DPYD: variants seen among roughly 807,000 people sequenced by gnomAD.
The protein encoded by DPYD is dihydropyrimidine dehydrogenase, also known as dihydropyrimidine dehydrogenase [NADP(+)].
A neutral mutation model predicts 116.2 loss-of-function variants in DPYD; 109 were observed. The observed-to-expected ratio is 0.94, with a 90% CI of 0.80 to 1.10. The LOEUF (loss-of-function observed/expected upper bound fraction) is 1.10, where lower values mean the gene tolerates loss of function less well. Among genes scored for constraint, DPYD ranks in the 50% least tolerant of loss-of-function variants. The pLI, the probability that DPYD is intolerant of heterozygous loss-of-function variation, is 0.00. For missense variants in DPYD, 1,302 were observed against 1,254.5 expected (o/e 1.04, Z -0.57); for synonymous variants, 440 against 432.0 (o/e 1.02, Z -0.23).
At chr1:97,367,587 G>T (rs1020899431) in intron 16 of DPYD, among the ~76,000 whole-genome samples, 1 of 152,090 alleles carries the variant, frequency 6.6e-6, no homozygotes, top group African/African-American at 2.4e-5. Flanking sequence ...CTGTGAGGTG[G>T]CAAGATATAA....
intron 8 of DPYD, among the ~76,000 whole-genome samples, chr1:97,599,839 C>G (rs983763883): frequency 3.0e-5 from 3 of 100,232 alleles, no homozygotes; most frequent in African/African-American, 1.2e-4. Context: ...GCCTGACCAA[C>G]ATGACAAAAA....
At chr1:97,324,773 A>G (rs1668628941) in intron 16 of DPYD, among the ~76,000 whole-genome samples, 1 of 152,106 alleles carries the variant, frequency 6.6e-6, no homozygotes, top group Non-Finnish European at 1.5e-5. Flanking sequence ...CCTTGCAGAA[A>G]GAAGTGATAA....
intron 20 of DPYD, among the ~76,000 whole-genome samples, chr1:97,120,292 T>C (rs923759326): frequency 6.6e-6 from 1 of 152,194 alleles, no homozygotes; most frequent in Non-Finnish European, 1.5e-5. Flanking sequence ...AATCTCTTCT[T>C]TTCAAAAGGA....
rs1464330483 is a variant in DPYD, at chr1:97,680,455, G to A, written c.763-1273C>T. On this transcript the variant is annotated intron_variant, in intron 7 of 22. Coordinates refer to ENST00000370192, the MANE Select transcript of DPYD (RefSeq NM_000110.4). ...GATTGCAGTTTCTGTTACAGATGTG[G>A]TATTATTGCTAGAGAAGTTTTATAA... is the stretch of plus-strand genomic sequence containing the variant. Among the ~76,000 whole-genome samples the A allele has an allele frequency of 1.3e-5, 2 of 152,180 alleles. 1 individual carries two copies. The highest frequency in any genetic ancestry group is 4.1e-4 in the South Asian group (2 of 4,830).
chr1:97,551,992 A>T (rs574670170), intron 11 of DPYD, among the ~76,000 whole-genome samples: 68 of 151,996 alleles, frequency 4.5e-4, no homozygotes, highest in African/African-American at 1.5e-3. Flanking sequence ...GATTATATGC[A>T]AATAATACAC....
intron 18 of DPYD, among the ~76,000 whole-genome samples, chr1:97,266,791 G>A (rs1201475253): frequency 6.6e-6 from 1 of 151,852 alleles, no homozygotes; most frequent in Non-Finnish European, 1.5e-5. Flanking sequence ...TTGGTTTTTT[G>A]GCCTTGTGAT....
chr1:97,470,879 A>G (rs921260109), intron 13 of DPYD, among the ~76,000 whole-genome samples: 1 of 151,968 alleles, frequency 6.6e-6, no homozygotes, highest in Non-Finnish European at 1.5e-5. Context: ...AATCCCAGCT[A>G]CTCAGGGGGC....
intron 1 of DPYD, among the ~76,000 whole-genome samples, chr1:97,888,475 AT>A (rs200899920): frequency 0.016 from 2,454 of 149,902 alleles, 178 homozygotes; most frequent in Admixed American, 0.12. Context: ...TGCCCGATTT[AT>A]TTTTTTTTTA....
At chr1:97,903,448 T>C (rs759917430) in intron 1 of DPYD, among the ~76,000 whole-genome samples, 1 of 151,930 alleles carries the variant, frequency 6.6e-6, no homozygotes, top group Non-Finnish European at 1.5e-5. Context: ...GTTCTGTCTA[T>C]CAATTCCAAA....
intron 2 of DPYD, among the ~76,000 whole-genome samples, chr1:97,868,482 T>G (rs1671501489): frequency 6.6e-6 from 1 of 151,984 alleles, no homozygotes; most frequent in East Asian, 1.9e-4. Flanking sequence ...ATTACCAATA[T>G]TTAGGTAAAA....
chr1:97,170,606 C>CA (rs979815846), intron 20 of DPYD, among the ~76,000 whole-genome samples: 2 of 152,086 alleles, frequency 1.3e-5, no homozygotes, highest in African/African-American at 4.8e-5. Context: ...GGTTTCTCCC[C>CA]ATTCCCTGAA....
At chr1:97,403,276 A>C (rs1301271194) in intron 14 of DPYD, among the ~76,000 whole-genome samples, 1 of 152,042 alleles carries the variant, frequency 6.6e-6, no homozygotes, top group African/African-American at 2.4e-5. Flanking sequence ...GACATATCCC[A>C]TTGTAAGTCG....
chr1:97,867,191 T>C (rs986170108), intron 2 of DPYD, among the ~76,000 whole-genome samples: 2 of 151,754 alleles, frequency 1.3e-5, no homozygotes, highest in Non-Finnish European at 2.9e-5. Context: ...AATAAATTTA[T>C]TAAACGAGTG....
intron 13 of DPYD, among the ~76,000 whole-genome samples, chr1:97,491,991 G>A (rs1570828447): frequency 6.6e-6 from 1 of 151,986 alleles, no homozygotes; most frequent in Admixed American, 6.6e-5. Flanking sequence ...TCCCTTTTAT[G>A]TTTCAATGCC....
intron 3 of DPYD, among the ~76,000 whole-genome samples, chr1:97,823,714 C>T (rs1669084546): frequency 6.6e-6 from 1 of 152,008 alleles, no homozygotes; most frequent in Non-Finnish European, 1.5e-5. Context: ...GATTTCTTCA[C>T]CTACTTGTTA....
Position 97,464,827 on chromosome 1 carries a change from C to G in DPYD, c.1741-14604G>C, listed in dbSNP as rs188810429. On this transcript the variant is annotated intron_variant, in intron 13 of 22. Coordinates refer to ENST00000370192, the MANE Select transcript of DPYD (RefSeq NM_000110.4). ...AGGGCAGTGCAGAAGGGAAATGTGA[C>G]ATCAGTGCCCTAGAGTCCCTACTAG... is the stretch of plus-strand genomic sequence containing the variant. 2.0e-5 allele frequency among the ~76,000 whole-genome samples: 3 copies of G among 152,276 alleles called. No individual in the cohort carries two copies. In the East Asian group the frequency reaches 5.8e-4, roughly 29 times the overall value.
rs754491653 is a variant in DPYD at position 97,203,324 on chromosome 1, T to A, written c.2443-10076A>T. 2.0e-5 allele frequency among the ~76,000 whole-genome samples: 3 copies of A among 151,978 alleles called. No homozygotes were observed. In the Middle Eastern group the frequency reaches 0.01, roughly 517 times the overall value. ...GACTCAAATCCTTAATTTTAGGCAA[T>A]CTTTCTTTTTCAACAGAGTCAACAC... is the stretch of plus-strand genomic sequence containing the variant. On this transcript the variant is annotated intron_variant, in intron 19 of 22. Coordinates refer to ENST00000370192, the MANE Select transcript of DPYD (RefSeq NM_000110.4).
At chr1:97,725,238 T>C (rs186377015) in intron 4 of DPYD, among the ~76,000 whole-genome samples, 2 of 151,796 alleles carry the variant, frequency 1.3e-5, no homozygotes, top group Non-Finnish European at 3.0e-5. Context: ...GAACTATATG[T>C]ATTAAAAACT....
chr1:97,236,729 T>A (rs1308345334), intron 18 of DPYD, among the ~76,000 whole-genome samples: 1 of 152,166 alleles, frequency 6.6e-6, no homozygotes, highest in Non-Finnish European at 1.5e-5. Context: ...GTGAAACCTA[T>A]TGTAAAGTTC....
Sources: gnomAD v4.1 joint callset for allele counts (sites outside exome capture counted in the v4.1 genomes callset) on GRCh38, gnomAD v4.1.1 for gene constraint, MANE v1.5 for transcripts, NCBI Gene and HGNC (gene_info 2026-07-23, HGNC 2026-07-21) for gene names.